Variants in PKHD1 observed in about 807,000 individuals in gnomAD.
The protein encoded by PKHD1 is fibrocystin.
PKHD1 carries 291 observed loss-of-function variants against 412.0 expected under a neutral mutation model. That is an observed-to-expected ratio of 0.71 (90% confidence interval 0.64 to 0.78). The LOEUF is 0.78. Ranked by LOEUF, PKHD1 falls within the 30% of genes least tolerant of loss-of-function variation. The pLI is 0.00. For synonymous variants in PKHD1, 1,777 were observed against 1,821.5 expected (o/e 0.98, Z 0.62); for missense variants, 4,825 against 4,950.7 (o/e 0.97, Z 0.76).
chr6:51,847,223 G>A (rs1377522141), intron 50 of PKHD1, among the ~76,000 whole-genome samples: 2 of 148,738 alleles, frequency 1.3e-5, no homozygotes, highest in Admixed American at 1.3e-4. Flanking sequence ...AGCCTTCCAA[G>A]TAGCTGGGAC....
chr6:51,802,930 T>C (rs1197985912), intron 52 of PKHD1, among the ~76,000 whole-genome samples: 1 of 151,198 alleles, frequency 6.6e-6, no homozygotes, highest in Non-Finnish European at 1.5e-5. Flanking sequence ...AAAAGATTAT[T>C]AAAATCTTAA....
chr6:52,069,374 A>G (rs1358474510), intron 11 of PKHD1, 83 bp downstream of exon 11: 25 of 999,806 alleles, frequency 2.5e-5, no homozygotes, highest in Non-Finnish European at 3.7e-5. Context: ...ATGGTCATCA[A>G]GAAATGGCCA....
intron 35 of PKHD1, among the ~76,000 whole-genome samples, chr6:51,964,177 A>G (rs1792475291): frequency 6.6e-6 from 1 of 152,136 alleles, no homozygotes; most frequent in Admixed American, 6.6e-5. Flanking sequence ...CAAATCTTAC[A>G]TGTCACCTTA....
intron 60 of PKHD1, among the ~76,000 whole-genome samples, chr6:51,704,153 T>A (rs931670692): frequency 6.6e-6 from 1 of 152,046 alleles, no homozygotes; most frequent in African/African-American, 2.4e-5. Context: ...TCTTCTGGCA[T>A]GCAATCTATT....
chr6:51,824,499 T>C (rs924471480), intron 52 of PKHD1, among the ~76,000 whole-genome samples: 9 of 152,160 alleles, frequency 5.9e-5, no homozygotes, highest in African/African-American at 2.2e-4. Flanking sequence ...CTAAGGTCTA[T>C]GATTCTCTCT....
At chr6:52,046,973 G>A (rs1055891928) in intron 23 of PKHD1, among the ~76,000 whole-genome samples, 8 of 152,226 alleles carry the variant, frequency 5.3e-5, no homozygotes, top group African/African-American at 1.7e-4. Context: ...TGAATTCCAC[G>A]CTGCCCTGAA....
chr6:52,051,113 C>T (rs1314157504), intron 21 of PKHD1, among the ~76,000 whole-genome samples: 2 of 152,338 alleles, frequency 1.3e-5, no homozygotes, highest in Admixed American at 1.3e-4. Context: ...TAAATGATTA[C>T]TTGCTCAGCT....
intron 53 of PKHD1, among the ~76,000 whole-genome samples, chr6:51,786,388 T>C (rs1043898919): frequency 1.3e-5 from 2 of 152,134 alleles, no homozygotes; most frequent in African/African-American, 4.8e-5. Flanking sequence ...CACTTTTCAC[T>C]GTGTCCCTTT....
At chr6:52,003,078 A>G (rs1798632834) in intron 35 of PKHD1, among the ~76,000 whole-genome samples, 2 of 152,330 alleles carry the variant, frequency 1.3e-5, no homozygotes, top group Admixed American at 1.3e-4. Context: ...TGTAAAAGAG[A>G]TAAATTTCTT....
At position 51,798,979 on chromosome 6, in the gene PKHD1, A is replaced by G. The variant is rs532107843; in HGVS notation, c.8303-7606T>C. Reference sequence around the variant, plus strand: ...ATGAAGTTTTAATTATACCCCTTTCAGAAGAAATTTTCCCTTTCAATTGCC... The same window carrying G: ...ATGAAGTTTTAATTATACCCCTTTCGGAAGAAATTTTCCCTTTCAATTGCC... On this transcript the variant is annotated intron_variant, in intron 52 of 66. Transcript: ENST00000371117. Among the ~76,000 whole-genome samples, 11 of 152,326 alleles carry G rather than the reference A, an allele frequency of 7.2e-5. No individual in the cohort carries two copies. In the South Asian group the frequency reaches 1.9e-3, roughly 26 times the overall value.
chr6:51,941,681 C>T (rs1370519779), intron 36 of PKHD1, among the ~76,000 whole-genome samples: 4 of 151,674 alleles, frequency 2.6e-5, no homozygotes, highest in Non-Finnish European at 5.9e-5. Context: ...TTTGCCTATC[C>T]ACCCCGTGGT....
At chr6:51,884,046 T>G (rs1777811706) in intron 45 of PKHD1, among the ~76,000 whole-genome samples, 1 of 152,200 alleles carries the variant, frequency 6.6e-6, no homozygotes, top group Non-Finnish European at 1.5e-5. Context: ...TTCCCAAATT[T>G]TATTATTCTG....
chr6:51,686,965 C>A (rs570487961), intron 60 of PKHD1, among the ~76,000 whole-genome samples: 1 of 152,252 alleles, frequency 6.6e-6, no homozygotes, highest in Admixed American at 6.6e-5. Context: ...TATGAAGTTA[C>A]ATTTTCTCAG....
At chr6:51,670,124 T>G in intron 60 of PKHD1, among the ~76,000 whole-genome samples, 1 of 141,154 alleles carries the variant, frequency 7.1e-6, no homozygotes, top group Admixed American at 7.2e-5. Flanking sequence ...GTCTCGTTGA[T>G]CTGTCTAATG....
intron 55 of PKHD1, among the ~76,000 whole-genome samples, chr6:51,756,532 G>A (rs1010672581): frequency 2.6e-5 from 4 of 152,128 alleles, no homozygotes; most frequent in Non-Finnish European, 4.4e-5. Context: ...ATGGAATACT[G>A]TATAGCCATT....
Position 51,982,897 on chromosome 6 carries a change from A to AG in PKHD1, c.5752-22872_5752-22871insC, listed in dbSNP as rs1177616945. ...AAATAAAATAAAATAAAATAAAAAAAAGAGAGGCTCCAAAGTATCCACATC... is the reference window on the plus strand; with the variant it reads ...AAATAAAATAAAATAAAATAAAAAAAGAGAGAGGCTCCAAAGTATCCACATC... On this transcript the variant is annotated intron_variant, in intron 35 of 66. Transcript: ENST00000371117. Among the ~76,000 whole-genome samples, 204 of 150,450 alleles carry AG rather than the reference A, an allele frequency of 1.4e-3. 1 individual carries two copies. Among genetic ancestry groups the AG allele is most frequent in the African/African-American group, 4.7e-3 (194 of 40,952 alleles).
At chr6:52,014,051 C>T (rs1446981934) in intron 34 of PKHD1, among the ~76,000 whole-genome samples, 1 of 152,212 alleles carries the variant, frequency 6.6e-6, no homozygotes, top group Non-Finnish European at 1.5e-5. Flanking sequence ...TGGGAAATTA[C>T]TTAATCTTCA....
intron 60 of PKHD1, among the ~76,000 whole-genome samples, chr6:51,697,199 TAA>T (rs1778906378): frequency 6.6e-6 from 1 of 151,844 alleles, no homozygotes; most frequent in Non-Finnish European, 1.5e-5. Context: ...AATAAATAAA[TAA>T]ATAAATATAA....
At chr6:51,816,180 T>C (rs1421028854) in intron 52 of PKHD1, among the ~76,000 whole-genome samples, 4 of 152,090 alleles carry the variant, frequency 2.6e-5, no homozygotes, top group South Asian at 2.1e-4. Flanking sequence ...ATTATCTACA[T>C]AGTAAAACAT....
Sources: allele counts gnomAD v4.1 joint callset (sites outside exome capture counted in the v4.1 genomes callset), GRCh38; gene constraint gnomAD v4.1.1; transcripts MANE v1.5; gene names NCBI Gene and HGNC (gene_info 2026-07-23, HGNC 2026-07-21).